RANBP2: variants seen among roughly 807,000 people sequenced by gnomAD.
RANBP2 encodes the protein E3 SUMO-protein ligase RanBP2.
A neutral mutation model predicts 303.6 loss-of-function variants in RANBP2; 57 were observed. The observed-to-expected ratio is 0.19, with a 90% CI of 0.15 to 0.23. The LOEUF (loss-of-function observed/expected upper bound fraction) is 0.23, where lower values mean the gene tolerates loss of function less well. Ranked by LOEUF, RANBP2 falls within the 10% of genes least tolerant of loss-of-function variation. The pLI is 1.00. For synonymous variants in RANBP2, 1,167 were observed against 1,301.5 expected (o/e 0.90, Z 2.23); for missense variants, 3,138 against 3,780.8 (o/e 0.83, Z 4.46).
chr2:109,443,189 T>A, the RANBP2 span, among the ~76,000 whole-genome samples: 1 of 152,264 alleles, frequency 6.6e-6, no homozygotes, highest in African/African-American at 2.4e-5. Flanking sequence ...TTCTAGTAGA[T>A]TCTATTTTAT....
At chr2:109,258,905 C>T in the RANBP2 span, among the ~76,000 whole-genome samples, 1 of 152,190 alleles carries the variant, frequency 6.6e-6, no homozygotes, top group African/African-American at 2.4e-5. Context: ...TTTTGCCTTT[C>T]AGCTCGAGCT....
chr2:108,932,540 AAAAAAAAAAAAAG>A, the RANBP2 span, among the ~76,000 whole-genome samples: 1 of 151,102 alleles, frequency 6.6e-6, no homozygotes, highest in Non-Finnish European at 1.5e-5. Context: ...AAAAAAAAAA[AAAAAAAAAAAAAG>A]AAAGAAATTA....
chr2:109,143,834 G>A, the RANBP2 span, among the ~76,000 whole-genome samples: 6 of 137,856 alleles, frequency 4.4e-5, no homozygotes, highest in Non-Finnish European at 9.8e-5. Context: ...ACACACACAC[G>A]TATATACACA....
the RANBP2 span, among the ~76,000 whole-genome samples, chr2:109,103,489 G>C: frequency 6.6e-6 from 1 of 152,206 alleles, no homozygotes; most frequent in African/African-American, 2.4e-5. Flanking sequence ...AGGCGGGTGG[G>C]GTGGGGGCTC....
At chr2:109,640,372 A>G in the RANBP2 span, among the ~76,000 whole-genome samples, 1 of 152,172 alleles carries the variant, frequency 6.6e-6, no homozygotes. Flanking sequence ...GAATCGCTTG[A>G]ACCTGGGAGG....
chr2:109,615,779 C>T, the RANBP2 span: 2 of 1,614,122 alleles, frequency 1.2e-6, no homozygotes, highest in Non-Finnish European at 1.7e-6. Flanking sequence ...AACTCTCACA[C>T]GCCCTAGAAG....
the RANBP2 span, among the ~76,000 whole-genome samples, chr2:108,903,073 CA>C: frequency 6.6e-6 from 1 of 152,094 alleles, no homozygotes. Context: ...GATAAACATA[CA>C]AAAATCAATT....
At chr2:109,477,170 T>G in the RANBP2 span, among the ~76,000 whole-genome samples, 1 of 152,180 alleles carries the variant, frequency 6.6e-6, no homozygotes. Context: ...TGAATGACCG[T>G]TGGCCTAGGA....
the RANBP2 span, among the ~76,000 whole-genome samples, chr2:109,358,551 A>C: frequency 6.6e-6 from 1 of 152,172 alleles, no homozygotes; most frequent in Admixed American, 6.5e-5. Context: ...CCACATCCTC[A>C]TCAACACACT....
chr2:109,732,565 G>C, the RANBP2 span, among the ~76,000 whole-genome samples: 3 of 121,264 alleles, frequency 2.5e-5, no homozygotes, highest in Non-Finnish European at 3.5e-5. Flanking sequence ...TGCAACCTCC[G>C]CCTCCCAGGT....
chr2:108,935,678 A>AAT, the RANBP2 span, among the ~76,000 whole-genome samples: 30 of 152,256 alleles, frequency 2.0e-4, no homozygotes, highest in South Asian at 4.6e-3. Context: ...TCTGCACTAG[A>AAT]CACCGATTCC....
At chr2:108,819,264 T>C in the RANBP2 span, among the ~76,000 whole-genome samples, 2 of 152,154 alleles carry the variant, frequency 1.3e-5, no homozygotes, top group African/African-American at 2.4e-5. Context: ...TTGTGGCATT[T>C]TGCATGTGTG....
chr2:108,956,784 C>CT, the RANBP2 span, among the ~76,000 whole-genome samples: 672 of 123,534 alleles, frequency 5.4e-3, 10 homozygotes, highest in African/African-American at 0.021. Flanking sequence ...CGAAAGCTCT[C>CT]TTTTTTTTTT....
the RANBP2 span, among the ~76,000 whole-genome samples, chr2:109,582,951 G>T: frequency 6.6e-6 from 1 of 152,138 alleles, no homozygotes; most frequent in Non-Finnish European, 1.5e-5. Flanking sequence ...TCAATAAATG[G>T]TGCTAGGATA....
At chr2:109,072,323 C>T in the RANBP2 span, among the ~76,000 whole-genome samples, 1 of 152,174 alleles carries the variant, frequency 6.6e-6, no homozygotes, top group Non-Finnish European at 1.5e-5. Context: ...AGGCCCAAAT[C>T]ACACATGATT....
the RANBP2 span, among the ~76,000 whole-genome samples, chr2:109,168,363 T>C: frequency 2.0e-5 from 3 of 152,186 alleles, no homozygotes; most frequent in Non-Finnish European, 2.9e-5. Flanking sequence ...AGAACCCAGC[T>C]ATCAGGAGTG....
At chr2:109,711,768 A>G in the RANBP2 span, among the ~76,000 whole-genome samples, 2 of 152,140 alleles carry the variant, frequency 1.3e-5, no homozygotes, top group Non-Finnish European at 2.9e-5. Context: ...TTCCACACTC[A>G]GAGTGAAGCA....
chr2:109,497,106 C>T, the RANBP2 span, among the ~76,000 whole-genome samples: 26 of 152,292 alleles, frequency 1.7e-4, no homozygotes, highest in South Asian at 6.2e-4. Context: ...TTCTGATGGA[C>T]GGAACTATAA....
At chr2:109,397,170 C>G in the RANBP2 span, among the ~76,000 whole-genome samples, 1 of 152,154 alleles carries the variant, frequency 6.6e-6, no homozygotes, top group Admixed American at 6.5e-5. Context: ...CACACAACCA[C>G]TCCACCCTGC....
Sources: allele counts gnomAD v4.1 joint callset (sites outside exome capture counted in the v4.1 genomes callset), GRCh38; gene constraint gnomAD v4.1.1; transcripts MANE v1.5; gene names NCBI Gene and HGNC (gene_info 2026-07-23, HGNC 2026-07-21).